The following CHCHD6 variants were observed in gnomAD, a reference collection of about 807,000 sequenced individuals.
CHCHD6 encodes MICOS complex subunit MIC25.
Under a neutral mutation model 32.3 loss-of-function variants are expected in CHCHD6, and 28 were observed. The ratio of observed to expected loss-of-function variants is 0.87; its 90% CI spans 0.64 to 1.19. The LOEUF is 1.19. Among genes scored for constraint, CHCHD6 ranks in the 50% most tolerant of loss-of-function variants. The pLI is 0.00. For synonymous variants in CHCHD6, 122 were observed against 117.5 expected, an observed-to-expected ratio of 1.04 and a Z score of -0.25; for missense variants, 333 against 307.0, an observed-to-expected ratio of 1.08 and a Z score of -0.63.
At chr3:126,929,464 C>T (rs2078371434) in intron 6 of CHCHD6, among the ~76,000 whole-genome samples, 1 of 152,238 alleles carries the variant, frequency 6.6e-6, no homozygotes, top group African/African-American at 2.4e-5. Flanking sequence ...GACTTGAGTA[C>T]AGGACCTTAT....
At chr3:126,763,209 C>T (rs1273760689) in intron 4 of CHCHD6, among the ~76,000 whole-genome samples, 1 of 151,770 alleles carries the variant, frequency 6.6e-6, no homozygotes, top group Non-Finnish European at 1.5e-5. Flanking sequence ...CCCCTTTCAT[C>T]TTTCTCCTTT....
At chr3:126,911,734 G>A (rs907128952) in intron 5 of CHCHD6, among the ~76,000 whole-genome samples, 5 of 152,174 alleles carry the variant, frequency 3.3e-5, no homozygotes, top group South Asian at 2.1e-4. Context: ...CAAATTCACC[G>A]GGGCCAGGCT....
At chr3:126,824,808 A>G (rs1281818329) in intron 4 of CHCHD6, among the ~76,000 whole-genome samples, 1 of 151,838 alleles carries the variant, frequency 6.6e-6, no homozygotes, top group Non-Finnish European at 1.5e-5. Flanking sequence ...CGAACTCCCA[A>G]TCTCAGGTGA....
intron 5 of CHCHD6, among the ~76,000 whole-genome samples, chr3:126,889,222 G>A (rs2077722216): frequency 2.0e-5 from 3 of 152,168 alleles, no homozygotes; most frequent in African/African-American, 4.8e-5. Flanking sequence ...AGGGCCCAGG[G>A]CAGGGCTGCT....
chr3:126,788,355 T>G (rs528757310), intron 4 of CHCHD6, among the ~76,000 whole-genome samples: 5 of 152,270 alleles, frequency 3.3e-5, no homozygotes, highest in African/African-American at 4.8e-5. Context: ...GAATTAGGGA[T>G]GATTCCCTCT....
intron 6 of CHCHD6, among the ~76,000 whole-genome samples, chr3:126,921,632 G>A (rs2078249214): frequency 1.3e-5 from 2 of 152,268 alleles, no homozygotes; most frequent in African/African-American, 2.4e-5. Flanking sequence ...TTGAGTTGAA[G>A]GAAGAAGGTT....
intron 5 of CHCHD6, among the ~76,000 whole-genome samples, chr3:126,893,118 G>A (rs964344064): frequency 6.6e-6 from 1 of 151,972 alleles, no homozygotes; most frequent in Non-Finnish European, 1.5e-5. Context: ...ACAGGGACCC[G>A]CCATTATGCA....
chr3:126,735,799 G>A (rs1269790393), intron 4 of CHCHD6, among the ~76,000 whole-genome samples: 2 of 152,190 alleles, frequency 1.3e-5, no homozygotes, highest in African/African-American at 4.8e-5. Flanking sequence ...TTGAGGTTTG[G>A]ATCATCCATT....
chr3:126,800,375 T>C (rs1939006625), intron 4 of CHCHD6, among the ~76,000 whole-genome samples: 1 of 151,922 alleles, frequency 6.6e-6, no homozygotes, highest in Non-Finnish European at 1.5e-5. Context: ...GGATGGTTGG[T>C]GGGTAATTGA....
intron 4 of CHCHD6, among the ~76,000 whole-genome samples, chr3:126,761,117 A>G (rs1937146178): frequency 6.6e-6 from 1 of 152,266 alleles, no homozygotes. Context: ...GGCATGAGCC[A>G]CTGTGCCTTG....
intron 5 of CHCHD6, among the ~76,000 whole-genome samples, chr3:126,880,863 G>T (rs2077599267): frequency 6.6e-6 from 1 of 152,180 alleles, no homozygotes; most frequent in Non-Finnish European, 1.5e-5. Flanking sequence ...ATGATCAAAG[G>T]TTCCTTGCCT....
At chr3:126,923,264 A>G (rs376891603) in intron 6 of CHCHD6, among the ~76,000 whole-genome samples, 2 of 152,182 alleles carry the variant, frequency 1.3e-5, no homozygotes, top group African/African-American at 2.4e-5. Context: ...TTGTCTTTTT[A>G]TGTCCTACTT....
At chr3:126,882,491 C>T (rs1182419732) in intron 5 of CHCHD6, among the ~76,000 whole-genome samples, 1 of 152,214 alleles carries the variant, frequency 6.6e-6, no homozygotes, top group Non-Finnish European at 1.5e-5. Context: ...AACTCCAATT[C>T]ATTTTCTCAG....
chr3:126,759,143 T>G (rs1937073206), intron 4 of CHCHD6, among the ~76,000 whole-genome samples: 1 of 152,230 alleles, frequency 6.6e-6, no homozygotes. Flanking sequence ...TGTGGTGTTC[T>G]TGTAATCCAG....
intron 1 of CHCHD6, among the ~76,000 whole-genome samples, chr3:126,714,137 T>G (rs1934897781): frequency 6.6e-6 from 1 of 151,096 alleles, no homozygotes; most frequent in Non-Finnish European, 1.5e-5. Context: ...TATTTTTAGC[T>G]TTTTTGGGGG....
At chr3:126,751,592 T>G (rs1239216907) in intron 4 of CHCHD6, among the ~76,000 whole-genome samples, 1 of 151,806 alleles carries the variant, frequency 6.6e-6, no homozygotes, top group African/African-American at 2.4e-5. Context: ...GCTCCTTTGC[T>G]GGGGCCCTCT....
chr3:126,929,156 CT>C (rs1335304067), intron 6 of CHCHD6, among the ~76,000 whole-genome samples: 2 of 152,212 alleles, frequency 1.3e-5, no homozygotes. Context: ...TTTCCTTCAA[CT>C]TTATCCTTCT....
chr3:126,873,456 A>C (rs2077503269), intron 5 of CHCHD6, among the ~76,000 whole-genome samples: 1 of 152,214 alleles, frequency 6.6e-6, no homozygotes, highest in Non-Finnish European at 1.5e-5. Flanking sequence ...TCATTGTCTG[A>C]GGTCAGAAAT....
chr3:126,800,286 C>G (rs1939001970), intron 4 of CHCHD6, among the ~76,000 whole-genome samples: 1 of 152,056 alleles, frequency 6.6e-6, no homozygotes, highest in East Asian at 1.9e-4. Flanking sequence ...TGCTCTGTCC[C>G]CAAGCCCAAT....
Sources: allele counts gnomAD v4.1 joint callset (sites outside exome capture counted in the v4.1 genomes callset), GRCh38; gene constraint gnomAD v4.1.1; transcripts MANE v1.5; gene names NCBI Gene and HGNC (gene_info 2026-07-23, HGNC 2026-07-21).